OSBPL9: variants seen among roughly 807,000 people sequenced by gnomAD.
OSBPL9 encodes the protein oxysterol binding protein like 9.
Under a neutral mutation model 106.6 loss-of-function variants are expected in OSBPL9, and 40 were observed. The ratio of observed to expected loss-of-function variants is 0.38; its 90% CI spans 0.29 to 0.49. The LOEUF is 0.49. Among genes scored for constraint, OSBPL9 ranks in the 20% least tolerant of loss-of-function variants. OSBPL9 has a pLI of 0.97. For missense variants in OSBPL9, 609 were observed against 887.2 expected (o/e 0.69, Z 3.98); for synonymous variants, 269 against 295.4 (o/e 0.91, Z 0.92).
At chr1:51,519,183 G>T in the OSBPL9 span, 2 of 1,440,800 alleles carry the variant, frequency 1.4e-6, no homozygotes, top group South Asian at 2.9e-5. Flanking sequence ...CCCGGCGGAC[G>T]GGCGTGTGGC....
chr1:51,787,001 A>C (rs1677800959), intron 22 of OSBPL9, among the ~76,000 whole-genome samples: 1 of 152,168 alleles, frequency 6.6e-6, no homozygotes, highest in Non-Finnish European at 1.5e-5. Context: ...TTACAGGTAT[A>C]TATTAAGGGA....
upstream of OSBPL9, chr1:51,574,115 C>T (rs1645169291): frequency 6.6e-6 from 1 of 152,186 alleles, no homozygotes; most frequent in Admixed American, 6.5e-5. Context: ...CTGACCAAGA[C>T]TTACAGGAAC....
At chr1:51,771,089 T>G (rs1330672133) in intron 12 of OSBPL9, among the ~76,000 whole-genome samples, 1 of 152,156 alleles carries the variant, frequency 6.6e-6, no homozygotes, top group Non-Finnish European at 1.5e-5. Context: ...CTGTCTATAT[T>G]TTCTGTTCAG....
At chr1:51,720,740 G>T (rs1661950978) in intron 4 of OSBPL9, among the ~76,000 whole-genome samples, 1 of 150,578 alleles carries the variant, frequency 6.6e-6, no homozygotes, top group African/African-American at 2.4e-5. Flanking sequence ...CATATGTATG[G>T]TTTTTGTGGC....
At chr1:51,521,546 T>G in the OSBPL9 span, among the ~76,000 whole-genome samples, 2 of 152,158 alleles carry the variant, frequency 1.3e-5, no homozygotes, top group East Asian at 3.9e-4. Context: ...GAATTATTAC[T>G]GTTTTAACTT....
At chr1:51,611,696 G>T (rs1299017160) in intron 2 of OSBPL9, among the ~76,000 whole-genome samples, 1 of 152,158 alleles carries the variant, frequency 6.6e-6, no homozygotes, top group Non-Finnish European at 1.5e-5. Flanking sequence ...AACAGGCCAG[G>T]CACAGTGGCT....
Position 51,652,032 on chromosome 1 carries a change from T to TA in OSBPL9, c.154dup (p.Arg52LysfsTer12). 1 of 1,606,454 alleles carries TA rather than the reference T, an allele frequency of 6.2e-7. No individual in the cohort carries two copies. Among genetic ancestry groups the TA allele is most frequent in the South Asian group, 1.1e-5 (1 of 89,686 alleles). ...TGAGAGGCTCTCGCAGAGGATGTGTTAGACTCAGAGTGAGTATTTATTCAT... is the reference window on the plus strand; with the variant it reads ...TGAGAGGCTCTCGCAGAGGATGTGTTAAGACTCAGAGTGAGTATTTATTCAT... On this transcript the variant is annotated frameshift_variant, in exon 2 of 24. Coordinates refer to ENST00000428468, the MANE Select transcript of OSBPL9 (RefSeq NM_024586.6). LOFTEE classifies it high-confidence loss of function.
At chr1:51,756,186 A>G (rs998918125) in intron 8 of OSBPL9, 134 bp from the exon 9 acceptor site, 3 of 712,450 alleles carry the variant, frequency 4.2e-6, no homozygotes, top group Non-Finnish European at 7.2e-6. Context: ...TGGAATTAAA[A>G]TCTTAGTGGA....
intron 3 of OSBPL9, among the ~76,000 whole-genome samples, chr1:51,695,371 G>A (rs939964486): frequency 1.3e-5 from 2 of 152,150 alleles, no homozygotes; most frequent in Non-Finnish European, 2.9e-5. Flanking sequence ...TTATGTTTCA[G>A]TATTAGTACG....
chr1:51,526,205 A>G, the OSBPL9 span, among the ~76,000 whole-genome samples: 1 of 152,202 alleles, frequency 6.6e-6, no homozygotes, highest in African/African-American at 2.4e-5. Flanking sequence ...CATAAACCAG[A>G]TCTTATTATT....
intron 15 of OSBPL9, among the ~76,000 whole-genome samples, chr1:51,778,076 C>G (rs914816940): frequency 1.3e-5 from 2 of 152,088 alleles, no homozygotes; most frequent in South Asian, 2.1e-4. Flanking sequence ...GAGGGTCATG[C>G]AGTCCCAGCA....
At chr1:51,688,219 G>C (rs1177866921) in intron 3 of OSBPL9, among the ~76,000 whole-genome samples, 1 of 152,186 alleles carries the variant, frequency 6.6e-6, no homozygotes, top group East Asian at 1.9e-4. Flanking sequence ...GTTCATGGTA[G>C]AGAGAAGTGA....
intron 9 of OSBPL9, 109 bp from the exon 10 acceptor site, chr1:51,760,581 T>C (rs770183774): frequency 6.7e-7 from 1 of 1,501,582 alleles, no homozygotes; most frequent in Non-Finnish European, 9.0e-7. Flanking sequence ...GATCAACATA[T>C]CTATATAGCT....
intron 9 of OSBPL9, among the ~76,000 whole-genome samples, chr1:51,759,145 G>T (rs1389800472): frequency 6.6e-6 from 1 of 151,284 alleles, no homozygotes; most frequent in Non-Finnish European, 1.5e-5. Flanking sequence ...TTGTTTTGGG[G>T]GTGTTTTCTC....
At chr1:51,567,649 G>C in the OSBPL9 span, 1 of 152,278 alleles carries the variant, frequency 6.6e-6, no homozygotes, top group South Asian at 2.1e-4. Flanking sequence ...CTGTAAAATG[G>C]AGATGACAGT....
At chr1:51,640,889 T>A (rs1645749245) in intron 1 of OSBPL9, among the ~76,000 whole-genome samples, 1 of 151,526 alleles carries the variant, frequency 6.6e-6, no homozygotes, top group African/African-American at 2.4e-5. Flanking sequence ...GCTAACAGGA[T>A]CCTTCCACCG....
At chr1:51,657,598 G>C (rs891934151) in intron 2 of OSBPL9, among the ~76,000 whole-genome samples, 2 of 152,196 alleles carry the variant, frequency 1.3e-5, no homozygotes, top group African/African-American at 4.8e-5. Context: ...TTATAAGGTA[G>C]TGTCAAACCA....
chr1:51,606,983 G>A (rs1490614197), intron 2 of OSBPL9, among the ~76,000 whole-genome samples: 2 of 151,878 alleles, frequency 1.3e-5, no homozygotes, highest in East Asian at 3.9e-4. Flanking sequence ...CCGGGAGGCG[G>A]AGCTTGCAGT....
intron 1 of OSBPL9, among the ~76,000 whole-genome samples, chr1:51,595,627 A>G (rs1267718170): frequency 6.6e-6 from 1 of 152,162 alleles, no homozygotes; most frequent in Admixed American, 6.5e-5. Flanking sequence ...TTGTAAATTC[A>G]TGTCATTTCT....
Sources: allele counts gnomAD v4.1 joint callset (sites outside exome capture counted in the v4.1 genomes callset), GRCh38; gene constraint gnomAD v4.1.1; transcripts MANE v1.5; gene names NCBI Gene and HGNC (gene_info 2026-07-23, HGNC 2026-07-21).